The following ATP11B variants were observed in gnomAD, a reference collection of about 807,000 sequenced individuals.
ATP11B encodes ATPase phospholipid transporting 11B (putative), also known as phospholipid-transporting ATPase IF.
Under a neutral mutation model 157.8 loss-of-function variants are expected in ATP11B, and 81 were observed. That is an observed-to-expected ratio of 0.51 (90% CI 0.43 to 0.62). ATP11B has a LOEUF of 0.62. ATP11B is among the 20% of genes least tolerant of loss of function. ATP11B has a pLI of 0.00. For synonymous variants in ATP11B, 451 were observed against 469.4 expected (o/e 0.96, Z 0.51); for missense variants, 1,165 against 1,402.2 (o/e 0.83, Z 2.70).
intron 1 of ATP11B, among the ~76,000 whole-genome samples, chr3:182,811,390 T>G (rs1024546387): frequency 6.6e-6 from 1 of 152,214 alleles, no homozygotes; most frequent in Non-Finnish European, 1.5e-5. Flanking sequence ...CATAGGACAG[T>G]TCTTCATTGG....
chr3:182,814,018 G>A (rs931416207), intron 1 of ATP11B, among the ~76,000 whole-genome samples: 2 of 151,980 alleles, frequency 1.3e-5, no homozygotes, highest in Admixed American at 6.6e-5. Flanking sequence ...GAGCCACCAC[G>A]CCTGACTGAC....
chr3:182,885,319 TC>T (rs1217911221), intron 22 of ATP11B, among the ~76,000 whole-genome samples: 1 of 152,150 alleles, frequency 6.6e-6, no homozygotes, highest in Non-Finnish European at 1.5e-5. Flanking sequence ...TATTGTCCTA[TC>T]TTTGGGTCCT....
Position 182,868,997 on chromosome 3 carries a change from A to T in ATP11B, c.1689-81A>T. 4.7e-6 allele frequency: 4 copies of T among 844,560 alleles called. No individual in the cohort carries two copies. The South Asian group carries it at 7.2e-5, about 15-fold the overall frequency. 52.3% of individuals were successfully genotyped at this position (844,560 alleles called of 1,614,324 possible). ...TTCTCAATTAGCCATTTTATCTTAT[A>T]TATGGATTATTTCCATATAGTCACT... On this transcript the variant is annotated intron_variant, in intron 15 of 29. Coordinates refer to ENST00000323116, the MANE Select transcript of ATP11B (RefSeq NM_014616.3).
In ATP11B at chr3:182,920,736, G is replaced by C. The variant is rs35606397; in HGVS notation, c.*2632G>C. ...GCACCCTGCCTCAGCTTCAGCAGGC[G>C]TAGGCTCACCCTGGGCGGAGCAAAG... On this transcript the variant is annotated 3_prime_UTR_variant, in exon 30 of 30. Transcript: ENST00000323116. The C allele has an allele frequency of 0.15, 22,921 of 152,258 alleles. 2,000 individuals carry two copies. The highest frequency in any genetic ancestry group is 0.26 in the East Asian group (1,343 of 5,180). 9.4% of individuals were successfully genotyped at this position (152,258 alleles called of 1,614,324 possible).
chr3:182,882,618 T>G (rs144599338), intron 21 of ATP11B, among the ~76,000 whole-genome samples: 119 of 152,178 alleles, frequency 7.8e-4, no homozygotes, highest in African/African-American at 2.8e-3. Context: ...AGAAGAAAAT[T>G]TAATGAATAA....
rs2108510372 is a variant in ATP11B at position 182,835,883 on chromosome 3, T to C, written c.316-152T>C. 7.7e-6 allele frequency: 4 copies of C among 516,344 alleles called. No individual in the cohort carries two copies. The East Asian group carries it at 1.3e-4, about 16-fold the overall frequency. 32.0% of individuals were successfully genotyped at this position (516,344 alleles called of 1,614,324 possible). ...AGCAAGTGTTTCCAGTAGGAACAAA[T>C]ATCAGATACCTATGAGCATGTGCAT... is the stretch of plus-strand genomic sequence containing the variant. On this transcript the variant is annotated intron_variant, in intron 4 of 29. Transcript: ENST00000323116.
chr3:182,836,302 TAAA>T (rs781034803), intron 5 of ATP11B, 37 bp from the exon 6 acceptor site: 1 of 1,611,520 alleles, frequency 6.2e-7, no homozygotes, highest in East Asian at 2.2e-5. Flanking sequence ...CCTTGCCTTT[TAAA>T]ATTTATAAAT....
intron 11 of ATP11B, 129 bp downstream of exon 11, chr3:182,858,157 A>T (rs1218329559): frequency 3.9e-6 from 3 of 774,764 alleles, no homozygotes; most frequent in Non-Finnish European, 5.9e-6. Context: ...GGGTGACAGA[A>T]ATGGCATTGC....
At chr3:182,829,981 G>A in intron 4 of ATP11B, 1 of 982,556 alleles carries the variant, frequency 1.0e-6, no homozygotes, top group Non-Finnish European at 1.2e-6. Flanking sequence ...CCTTGACAGA[G>A]CTAGAAAGCA....
chr3:182,902,849 C>G (rs1357792398), intron 28 of ATP11B, among the ~76,000 whole-genome samples: 1 of 152,010 alleles, frequency 6.6e-6, no homozygotes, highest in Admixed American at 6.6e-5. Flanking sequence ...TTTTCTAGTA[C>G]AATTCTAATG....
chr3:182,816,711 GCTT>G (rs1173244842), intron 1 of ATP11B, among the ~76,000 whole-genome samples: 2 of 152,142 alleles, frequency 1.3e-5, no homozygotes, highest in Non-Finnish European at 2.9e-5. Flanking sequence ...GTACTTTTAA[GCTT>G]CTTTTCATCA....
intron 4 of ATP11B, 31 bp from the exon 5 acceptor site, chr3:182,836,004 A>G: frequency 6.5e-7 from 1 of 1,548,378 alleles, no homozygotes; most frequent in South Asian, 1.2e-5. Context: ...TTATACTGAA[A>G]AATTATTTTT....
intron 7 of ATP11B, among the ~76,000 whole-genome samples, chr3:182,840,785 T>C (rs965329788): frequency 6.6e-6 from 1 of 152,160 alleles, no homozygotes; most frequent in African/African-American, 2.4e-5. Context: ...CTGACCATCT[T>C]TTCCTAGTTT....
At chr3:182,812,184 G>A (rs1046726623) in intron 1 of ATP11B, among the ~76,000 whole-genome samples, 25 of 152,114 alleles carry the variant, frequency 1.6e-4, no homozygotes, top group Admixed American at 1.6e-3. Context: ...TGAAGATATT[G>A]TGAAAAAGAT....
chr3:182,794,047 C>T (rs1199016260), intron 1 of ATP11B, among the ~76,000 whole-genome samples: 1 of 152,150 alleles, frequency 6.6e-6, no homozygotes, highest in Non-Finnish European at 1.5e-5. Context: ...TTCTCCGTTA[C>T]TTCTTCCCCC....
intron 28 of ATP11B, among the ~76,000 whole-genome samples, chr3:182,899,533 G>T (rs1238120879): frequency 2.0e-5 from 3 of 152,084 alleles, no homozygotes; most frequent in Non-Finnish European, 4.4e-5. Flanking sequence ...GTACAGAATA[G>T]AATTTTTAAA....
chr3:182,820,166 A>T, intron 1 of ATP11B, 94 bp from the exon 2 acceptor site: 1 of 818,110 alleles, frequency 1.2e-6, no homozygotes, highest in Non-Finnish European at 2.1e-6. Flanking sequence ...ATAGTAATAT[A>T]TGTAATCTGA....
intron 6 of ATP11B, among the ~76,000 whole-genome samples, 178 bp from the exon 7 acceptor site, chr3:182,836,890 AATG>A (rs1718595683): frequency 6.6e-6 from 1 of 152,144 alleles, no homozygotes; most frequent in Non-Finnish European, 1.5e-5. Flanking sequence ...TTAGACAGGT[AATG>A]ATAGTAGCTT....
At chr3:182,825,832 G>A (rs1313344915) in intron 2 of ATP11B, among the ~76,000 whole-genome samples, 1 of 152,046 alleles carries the variant, frequency 6.6e-6, no homozygotes, top group Non-Finnish European at 1.5e-5. Flanking sequence ...CTCAGGAGGC[G>A]GAGGTTGCAG....
Sources: allele counts gnomAD v4.1 joint callset (sites outside exome capture counted in the v4.1 genomes callset), GRCh38; gene constraint gnomAD v4.1.1; transcripts MANE v1.5; gene names NCBI Gene and HGNC (gene_info 2026-07-23, HGNC 2026-07-21).